HNRNPR: variants seen among roughly 807,000 people sequenced by gnomAD.
HNRNPR encodes heterogeneous nuclear ribonucleoprotein R.
Under a neutral mutation model 70.3 loss-of-function variants are expected in HNRNPR, and 4 were observed. That is an observed-to-expected ratio of 0.06 (90% CI 0.03 to 0.13). HNRNPR has a LOEUF of 0.13. HNRNPR is among the 10% of genes least tolerant of loss of function. The pLI, the probability that HNRNPR is intolerant of heterozygous loss-of-function variation, is 1.00. For synonymous variants in HNRNPR, 241 were observed against 267.6 expected (o/e 0.90, Z 0.97); for missense variants, 423 against 788.5 (o/e 0.54, Z 5.55).
chr1:23,333,690 G>T, intron 4 of HNRNPR, 59 bp from the exon 5 acceptor site: 1 of 975,842 alleles, frequency 1.0e-6, no homozygotes, highest in Non-Finnish European at 1.6e-6. Flanking sequence ...ACAAGCATCA[G>T]TGTATTAATC....
intron 8 of HNRNPR, among the ~76,000 whole-genome samples, chr1:23,316,593 T>A (rs1645556305): frequency 6.6e-6 from 1 of 152,166 alleles, no homozygotes; most frequent in South Asian, 2.1e-4. Flanking sequence ...TTATAATACA[T>A]CTATAATACT....
Position 23,309,623 on chromosome 1 carries a change from G to C in HNRNPR, c.*831C>G, listed in dbSNP as rs1645262699. On this transcript the variant is annotated 3_prime_UTR_variant, in exon 11 of 11. Coordinates refer to ENST00000302271, the MANE Select transcript of HNRNPR (RefSeq NM_005826.5). ...TAATTGGAATAAATACTTGAATTTAGACTAATCCTCAGTCTAATATCCACA... is the reference window on the plus strand; with the variant it reads ...TAATTGGAATAAATACTTGAATTTACACTAATCCTCAGTCTAATATCCACA... 1 of 152,164 alleles carries C rather than the reference G, an allele frequency of 6.6e-6. No individual in the cohort carries two copies. The highest frequency in any genetic ancestry group is 2.4e-5 in the African/African-American group (1 of 41,298). 9.4% of individuals were successfully genotyped at this position (152,164 alleles called of 1,614,324 possible).
At position 23,307,502 on chromosome 1, in the gene HNRNPR, C is replaced by A. The variant is rs1277265310; in HGVS notation, c.*2952G>T. ...AGAATAACCCCAGTAACTAAAAAAACCTGAAAAACAATTATGCTGAACTCA... is the reference window on the plus strand; with the variant it reads ...AGAATAACCCCAGTAACTAAAAAAAACTGAAAAACAATTATGCTGAACTCA... On this transcript the variant is annotated 3_prime_UTR_variant, in exon 11 of 11. Coordinates refer to ENST00000302271, the MANE Select transcript of HNRNPR (RefSeq NM_005826.5). 2 of 151,942 alleles carry A rather than the reference C, an allele frequency of 1.3e-5. No individual in the cohort carries two copies. Among genetic ancestry groups the A allele is most frequent in the Non-Finnish European group, 1.5e-5 (1 of 67,908 alleles). 9.4% of individuals were successfully genotyped at this position (151,942 alleles called of 1,614,324 possible). A position where few individuals can be genotyped will look rare whatever the true frequency, so the allele number is the denominator to read the frequency against.
chr1:23,321,112 G>A (rs1011192949), intron 7 of HNRNPR, among the ~76,000 whole-genome samples: 54 of 132,166 alleles, frequency 4.1e-4, no homozygotes, highest in Admixed American at 9.4e-4. Context: ...GCAGTGAGCC[G>A]AGATCGTACC....
intron 2 of HNRNPR, among the ~76,000 whole-genome samples, chr1:23,339,244 A>T (rs1646620056): frequency 6.6e-6 from 1 of 152,254 alleles, no homozygotes; most frequent in African/African-American, 2.4e-5. Flanking sequence ...CAGCTTGATT[A>T]ATCAATTCTG....
rs751088786 is a variant in HNRNPR at position 23,311,190 on chromosome 1, T to C, written c.1289+11A>G. The C allele has an allele frequency of 1.2e-5, 20 of 1,613,508 alleles. No homozygotes were observed. Among genetic ancestry groups the C allele is most frequent in the East Asian group, 1.1e-4 (5 of 44,872 alleles). ...TTGTCCAAAGATATATCTACTAAAA[T>C]GTAGACTCACGCAGTGCTTCTGGAG... On this transcript the variant is annotated intron_variant, in intron 10 of 10. Transcript: ENST00000302271.
At chr1:23,324,164 A>T (rs1645867855) in intron 5 of HNRNPR, among the ~76,000 whole-genome samples, 1 of 151,612 alleles carries the variant, frequency 6.6e-6, no homozygotes, top group South Asian at 2.1e-4. Flanking sequence ...TAAAATTAAA[A>T]AATTAATTTA....
intron 5 of HNRNPR, among the ~76,000 whole-genome samples, chr1:23,328,981 T>C (rs1280783639): frequency 6.6e-6 from 1 of 152,048 alleles, no homozygotes; most frequent in African/African-American, 2.4e-5. Flanking sequence ...ATTGGCTCAG[T>C]GTGGTGCCAT....
chr1:23,332,430 C>T (rs1392875628), intron 5 of HNRNPR, among the ~76,000 whole-genome samples: 2 of 150,226 alleles, frequency 1.3e-5, no homozygotes, highest in African/African-American at 2.4e-5. Flanking sequence ...TGGCCAGGCG[C>T]GGTGGCTCAC....
chr1:23,310,911 T>C lies in HNRNPR; in HGVS notation c.1445A>G (p.Tyr482Cys), dbSNP rs762055523. The C allele has an allele frequency of 1.4e-5, 23 of 1,614,030 alleles. No individual in the cohort carries two copies. Among genetic ancestry groups the C allele is most frequent in the Admixed American group, 5.0e-5 (3 of 60,004 alleles). ...DDYYGYDYHD[Y>C]RGGYEDPYYG... ...GTAGGGATCTTCATAGCCTCCACGA[T>C]AGTCGTGATAATCATAACCATAGTA... Residue 482 changes from tyrosine (Y) to cysteine (C), a missense_variant, in exon 11 of 11, where the codon TAT becomes TGT. Coordinates refer to ENST00000302271, the MANE Select transcript of HNRNPR (RefSeq NM_005826.5). The surrounding 1 kb of genome is among the most constrained non-coding windows in gnomAD (Gnocchi z 6.0).
intron 2 of HNRNPR, 135 bp downstream of exon 2, chr1:23,340,717 T>C (rs1646677430): frequency 4.2e-6 from 3 of 716,804 alleles, no homozygotes; most frequent in Non-Finnish European, 6.7e-6. Context: ...ATGCCTTCAA[T>C]GAAGGGAAAG....
At chr1:23,329,331 G>A (rs986351013) in intron 5 of HNRNPR, among the ~76,000 whole-genome samples, 1 of 152,130 alleles carries the variant, frequency 6.6e-6, no homozygotes, top group African/African-American at 2.4e-5. Flanking sequence ...ATTCAGCACT[G>A]TTCCTTTTAA....
At chr1:23,343,767 C>T (rs1452626935) in intron 1 of HNRNPR, among the ~76,000 whole-genome samples, 2 of 152,242 alleles carry the variant, frequency 1.3e-5, no homozygotes, top group Non-Finnish European at 2.9e-5. Flanking sequence ...TTCCGCCCCC[C>T]ACCCCCATCC....
chr1:23,338,450 T>C lies in HNRNPR; in HGVS notation c.276+40A>G. The stretch of plus-strand genomic sequence containing the variant: ...AAAGTAATAGTAAAATAATTTCAGA[T>C]TACTAATTGTTCAAAGACATTTCTG... On this transcript the variant is annotated intron_variant, in intron 3 of 10. Transcript: ENST00000302271. The C allele has an allele frequency of 2.6e-6, 2 of 759,128 alleles. 1 individual carries two copies. Among genetic ancestry groups the C allele is most frequent in the South Asian group, 4.7e-5 (2 of 42,532 alleles). The allele number at this position is 759,128 out of a possible 1,614,324, so 47.0% of individuals were successfully genotyped here.
Position 23,306,378 on chromosome 1 carries a change from G to T in HNRNPR, c.*4076C>A, listed in dbSNP as rs1645202402. 1 of 150,612 alleles carries T rather than the reference G, an allele frequency of 6.6e-6. No homozygotes were observed. The highest frequency in any genetic ancestry group is 6.6e-5 in the Admixed American group (1 of 15,098). The allele number at this position is 150,612 out of a possible 1,614,324, so 9.3% of individuals were successfully genotyped here. On this transcript the variant is annotated 3_prime_UTR_variant, in exon 11 of 11. Coordinates refer to ENST00000302271, the MANE Select transcript of HNRNPR (RefSeq NM_005826.5). ...CTCCCACACTTAATGCCCCACTACT[G>T]ATAAAAAAAAAAATAGGAAAAAAAA...
chr1:23,330,682 A>T (rs4648861), intron 5 of HNRNPR, among the ~76,000 whole-genome samples: 6 of 152,118 alleles, frequency 3.9e-5, no homozygotes, highest in Non-Finnish European at 8.8e-5. Flanking sequence ...TCATCCTTGC[A>T]TATTTCTCAT....
In HNRNPR at chr1:23,317,010, C is replaced by T. The variant is rs17490169; in HGVS notation, c.1017+1473G>A. Among the ~76,000 whole-genome samples, 1,338 of 152,176 alleles carry T rather than the reference C, an allele frequency of 8.8e-3. 26 individuals are homozygous for T. Among genetic ancestry groups the T allele is most frequent in the African/African-American group, 0.03 (1,251 of 41,502 alleles). ...GAGTTCTCCTCCAAACTACTTAGAA[C>T]GAGGGTTTGCCTCCTCAAATTCTGG... On this transcript the variant is annotated intron_variant, in intron 8 of 10. Coordinates refer to ENST00000302271, the MANE Select transcript of HNRNPR (RefSeq NM_005826.5).
chr1:23,313,526 C>T (rs756038072), intron 9 of HNRNPR, 27 bp downstream of exon 9: 1 of 1,500,102 alleles, frequency 6.7e-7, no homozygotes. Context: ...ATTCAAATAT[C>T]AAGAACCAAA....
At chr1:23,334,776 G>C (rs1646395108) in intron 4 of HNRNPR, among the ~76,000 whole-genome samples, 1 of 152,132 alleles carries the variant, frequency 6.6e-6, no homozygotes, top group Non-Finnish European at 1.5e-5. Context: ...AGCAATCATA[G>C]AAAAGAAGAT....
Sources: gnomAD v4.1 joint callset for allele counts (sites outside exome capture counted in the v4.1 genomes callset) on GRCh38, gnomAD v4.1.1 for gene constraint, Gnocchi (gnomAD v3.1) non-coding constraint, MANE v1.5 for transcripts, NCBI Gene and HGNC (gene_info 2026-07-23, HGNC 2026-07-21) for gene names.